The following MTCL3 variants were observed in gnomAD, a reference collection of about 807,000 sequenced individuals.
MTCL3 encodes the protein microtubule cross-linking factor 3.
the MTCL3 span, among the ~76,000 whole-genome samples, chr6:127,495,508 T>A: frequency 1.6e-4 from 25 of 152,338 alleles, no homozygotes; most frequent in Admixed American, 1.4e-3. Flanking sequence ...AACTCATTAA[T>A]GCAGTGAAAT....
At chr6:127,490,165 C>A in the MTCL3 span, among the ~76,000 whole-genome samples, 1 of 152,122 alleles carries the variant, frequency 6.6e-6, no homozygotes, top group South Asian at 2.1e-4. Flanking sequence ...AGGACAAAGC[C>A]TTTATGACAG....
the MTCL3 span, among the ~76,000 whole-genome samples, chr6:127,485,289 GA>G: frequency 9.3e-5 from 14 of 149,894 alleles, no homozygotes; most frequent in East Asian, 3.9e-4. Flanking sequence ...GAGGAAAAGG[GA>G]AAAAAAAAGG....
chr6:127,509,626 C>A, the MTCL3 span, among the ~76,000 whole-genome samples: 5 of 152,074 alleles, frequency 3.3e-5, no homozygotes, highest in Non-Finnish European at 7.4e-5. Flanking sequence ...CTACTTTTCT[C>A]CTTTAAAAAA....
At chr6:127,495,112 T>C in the MTCL3 span, among the ~76,000 whole-genome samples, 1 of 151,426 alleles carries the variant, frequency 6.6e-6, no homozygotes, top group Non-Finnish European at 1.5e-5. Flanking sequence ...CAGGAGAATG[T>C]CATGAACCTA....
chr6:127,476,634 C>A, the MTCL3 span, among the ~76,000 whole-genome samples: 2 of 152,086 alleles, frequency 1.3e-5, no homozygotes, highest in East Asian at 1.9e-4. The surrounding 1 kb of genome is among the most constrained non-coding windows in gnomAD (Gnocchi z 4.4). Context: ...CACTTAAATT[C>A]TCTGGCAAAT....
chr6:127,508,661 T>G, the MTCL3 span, among the ~76,000 whole-genome samples: 3 of 152,318 alleles, frequency 2.0e-5, no homozygotes, highest in African/African-American at 7.2e-5. Flanking sequence ...AGAAGAAAGA[T>G]CTGATAAACA....
the MTCL3 span, among the ~76,000 whole-genome samples, chr6:127,480,203 G>A: frequency 2.0e-3 from 312 of 152,204 alleles, 2 homozygotes; most frequent in African/African-American, 7.0e-3. Context: ...CATTCTAATC[G>A]ATTACATATA....
chr6:127,494,720 T>A, the MTCL3 span, among the ~76,000 whole-genome samples: 1 of 152,126 alleles, frequency 6.6e-6, no homozygotes, highest in Non-Finnish European at 1.5e-5. Flanking sequence ...TATTAGAGGG[T>A]CTGTCAAACT....
the MTCL3 span, among the ~76,000 whole-genome samples, chr6:127,496,517 T>G: frequency 1.3e-5 from 2 of 152,220 alleles, no homozygotes; most frequent in African/African-American, 4.8e-5. Flanking sequence ...AAATCCTGTT[T>G]CTTAAAAGGC....
At chr6:127,483,477 G>A in the MTCL3 span, among the ~76,000 whole-genome samples, 1 of 152,194 alleles carries the variant, frequency 6.6e-6, no homozygotes, top group South Asian at 2.1e-4. Flanking sequence ...TCCTCGACAC[G>A]TGCAAAATGA....
the MTCL3 span, among the ~76,000 whole-genome samples, chr6:127,489,617 A>G: frequency 6.6e-6 from 1 of 152,282 alleles, no homozygotes; most frequent in Non-Finnish European, 1.5e-5. Context: ...TATTGCTGAT[A>G]TGCAAAAAGT....
At chr6:127,475,282 C>A in the MTCL3 span, 1 of 1,587,782 alleles carries the variant, frequency 6.3e-7, no homozygotes, top group Non-Finnish European at 8.6e-7. This position sits in a 1 kb window ranked among gnomAD's most constrained non-coding sequence, Gnocchi z 7.3. Context: ...TCGCAATAGG[C>A]AGAACTGTAC....
the MTCL3 span, chr6:127,475,626 C>G: frequency 1.3e-6 from 2 of 1,598,980 alleles, no homozygotes; most frequent in Admixed American, 3.3e-5. This position sits in a 1 kb window ranked among gnomAD's most constrained non-coding sequence, Gnocchi z 7.3. Flanking sequence ...GCCCGGGCGC[C>G]GGGTAGAAGG....
At chr6:127,475,173 C>G in the MTCL3 span, 3 of 1,094,634 alleles carry the variant, frequency 2.7e-6, no homozygotes, top group South Asian at 4.9e-5. The surrounding 1 kb of genome is among the most constrained non-coding windows in gnomAD (Gnocchi z 7.3). Flanking sequence ...CCAGCGCGGC[C>G]CTGAGCGGGG....
chr6:127,487,196 C>G, the MTCL3 span, among the ~76,000 whole-genome samples: 1 of 152,082 alleles, frequency 6.6e-6, no homozygotes, highest in African/African-American at 2.4e-5. Context: ...TTCAGAGTTC[C>G]CACTCTGAAC....
chr6:127,515,969 G>C, the MTCL3 span: 4 of 1,602,036 alleles, frequency 2.5e-6, no homozygotes, highest in Admixed American at 1.7e-5. The surrounding 1 kb of genome is among the most constrained non-coding windows in gnomAD (Gnocchi z 4.3). Context: ...GATGGAGAAG[G>C]GGAGGCCCCC....
chr6:127,516,529 G>T, the MTCL3 span: 1 of 1,598,610 alleles, frequency 6.3e-7, no homozygotes. Flanking sequence ...GCTGCCCTCC[G>T]GGTGCAGACG....
the MTCL3 span, among the ~76,000 whole-genome samples, chr6:127,495,688 T>C: frequency 6.6e-6 from 1 of 152,198 alleles, no homozygotes; most frequent in African/African-American, 2.4e-5. Flanking sequence ...GGTCAGAGTA[T>C]TCATTAATTT....
At chr6:127,493,580 A>C in the MTCL3 span, among the ~76,000 whole-genome samples, 1 of 152,166 alleles carries the variant, frequency 6.6e-6, no homozygotes, top group Non-Finnish European at 1.5e-5. Flanking sequence ...AGAGACCTGA[A>C]TTTGCCAATA....
Sources: gnomAD v4.1 joint callset for allele counts (sites outside exome capture counted in the v4.1 genomes callset) on GRCh38, gnomAD v4.1.1 for gene constraint, Gnocchi (gnomAD v3.1) non-coding constraint, MANE v1.5 for transcripts, NCBI Gene and HGNC (gene_info 2026-07-23, HGNC 2026-07-21) for gene names.